Variants in TXLNB observed in about 807,000 individuals in gnomAD.
TXLNB encodes the protein taxilin beta.
TXLNB carries 37 observed loss-of-function variants against 57.4 expected under a neutral mutation model. The observed-to-expected ratio is 0.64, with a 90% CI of 0.50 to 0.85. The LOEUF (loss-of-function observed/expected upper bound fraction) is 0.85. Among genes scored for constraint, TXLNB ranks in the 40% least tolerant of loss-of-function variants. The pLI is 0.00. For synonymous variants in TXLNB, 302 were observed against 309.6 expected, an observed-to-expected ratio of 0.98 and a Z score of 0.26; for missense variants, 848 against 825.6, an observed-to-expected ratio of 1.03 and a Z score of -0.33.
intron 5 of TXLNB, among the ~76,000 whole-genome samples, chr6:139,260,737 A>G (rs953967991): frequency 4.6e-5 from 7 of 152,212 alleles, no homozygotes; most frequent in Non-Finnish European, 8.8e-5. Flanking sequence ...ATTAGATATG[A>G]TGCTATTTAT....
chr6:139,172,193 G>T, the TXLNB span, among the ~76,000 whole-genome samples: 4 of 152,092 alleles, frequency 2.6e-5, no homozygotes, highest in Non-Finnish European at 4.4e-5. Context: ...TGAACTCCTG[G>T]CCTCAAATGA....
chr6:139,191,492 G>A, the TXLNB span, among the ~76,000 whole-genome samples: 1 of 152,312 alleles, frequency 6.6e-6, no homozygotes, highest in East Asian at 1.9e-4. Flanking sequence ...GTAGTCACAT[G>A]TGGCTAGTGG....
chr6:139,186,346 C>T, the TXLNB span, among the ~76,000 whole-genome samples: 2 of 152,156 alleles, frequency 1.3e-5, no homozygotes, highest in East Asian at 3.9e-4. Flanking sequence ...TAAAAAGTTC[C>T]CCCAAAAAAC....
chr6:139,249,972 T>C (rs888818743), intron 7 of TXLNB, among the ~76,000 whole-genome samples: 4 of 151,676 alleles, frequency 2.6e-5, no homozygotes, highest in African/African-American at 9.7e-5. Flanking sequence ...ACTCTGTCTC[T>C]CACACACACA....
the TXLNB span, among the ~76,000 whole-genome samples, chr6:139,299,088 C>T: frequency 6.6e-6 from 1 of 152,304 alleles, no homozygotes; most frequent in East Asian, 1.9e-4. Context: ...ATAAACAACC[C>T]AGCCTCAGGT....
chr6:139,223,997 G>A, the TXLNB span, among the ~76,000 whole-genome samples: 6 of 147,096 alleles, frequency 4.1e-5, no homozygotes, highest in African/African-American at 1.0e-4. Flanking sequence ...ACATGCACAC[G>A]TATGTTTATT....
At chr6:139,299,544 C>T in the TXLNB span, among the ~76,000 whole-genome samples, 1 of 152,178 alleles carries the variant, frequency 6.6e-6, no homozygotes, top group Non-Finnish European at 1.5e-5. Context: ...CCCCTCTTCT[C>T]ATTCCTCCTT....
At chr6:139,190,182 A>G in the TXLNB span, among the ~76,000 whole-genome samples, 2 of 152,204 alleles carry the variant, frequency 1.3e-5, no homozygotes, top group Admixed American at 6.5e-5. Flanking sequence ...TGCTATAACA[A>G]TACCTTAGAC....
the TXLNB span, among the ~76,000 whole-genome samples, chr6:139,317,354 A>C: frequency 6.6e-6 from 1 of 152,174 alleles, no homozygotes; most frequent in African/African-American, 2.4e-5. Context: ...CAAATACTAA[A>C]GCAGAAACAA....
At chr6:139,236,805 T>G (rs1349300043), downstream of TXLNB, among the ~76,000 whole-genome samples, 2 of 152,158 alleles carry the variant, frequency 1.3e-5, no homozygotes, top group African/African-American at 4.8e-5. Context: ...GATTTTGCCA[T>G]GTTGCTCAGG....
the TXLNB span, among the ~76,000 whole-genome samples, chr6:139,221,897 A>G: frequency 6.6e-6 from 1 of 152,182 alleles, no homozygotes; most frequent in East Asian, 1.9e-4. Context: ...AATATTTTTC[A>G]TTAGACTTTA....
chr6:139,295,580 G>T (rs989772717), upstream of TXLNB, among the ~76,000 whole-genome samples: 238 of 103,714 alleles, frequency 2.3e-3, no homozygotes, highest in Non-Finnish European at 3.2e-3. Flanking sequence ...GATATTTTTT[G>T]GGGGGGGGAT....
chr6:139,322,740 T>C, the TXLNB span, among the ~76,000 whole-genome samples: 3 of 152,216 alleles, frequency 2.0e-5, no homozygotes, highest in African/African-American at 7.2e-5. Context: ...AAAATATCGA[T>C]GCCTCCCCAG....
chr6:139,244,085 C>A (rs987887556), intron 9 of TXLNB, among the ~76,000 whole-genome samples: 6 of 152,102 alleles, frequency 3.9e-5, no homozygotes, highest in Admixed American at 6.6e-5. Flanking sequence ...ACTCTCAAAA[C>A]CTACTTGGAG....
At chr6:139,253,635 C>A (rs1407539544) in intron 7 of TXLNB, among the ~76,000 whole-genome samples, 1 of 151,938 alleles carries the variant, frequency 6.6e-6, no homozygotes, top group African/African-American at 2.4e-5. Context: ...AAATCTAGAA[C>A]CCCTGGTTGA....
chr6:139,215,810 G>A, the TXLNB span, among the ~76,000 whole-genome samples: 296 of 152,190 alleles, frequency 1.9e-3, no homozygotes, highest in African/African-American at 6.7e-3. Context: ...AAAAGTGGGC[G>A]AAGGATATGA....
At chr6:139,166,629 G>T in the TXLNB span, 1 of 1,614,220 alleles carries the variant, frequency 6.2e-7, no homozygotes, top group Non-Finnish European at 8.5e-7. Flanking sequence ...AAGAAGTCTG[G>T]CTCCGAGAAG....
At chr6:139,274,904 G>A (rs1217082017) in intron 3 of TXLNB, among the ~76,000 whole-genome samples, 1 of 152,108 alleles carries the variant, frequency 6.6e-6, no homozygotes, top group Admixed American at 6.6e-5. Flanking sequence ...GGTGAGAATC[G>A]CATGGAAACG....
At chr6:139,173,191 A>G in the TXLNB span, among the ~76,000 whole-genome samples, 3 of 152,218 alleles carry the variant, frequency 2.0e-5, no homozygotes, top group Admixed American at 6.5e-5. Flanking sequence ...GAGTATTTCA[A>G]GAAGTTCTTG....
Sources: gnomAD v4.1 joint callset for allele counts (sites outside exome capture counted in the v4.1 genomes callset) on GRCh38, gnomAD v4.1.1 for gene constraint, MANE v1.5 for transcripts, NCBI Gene and HGNC (gene_info 2026-07-23, HGNC 2026-07-21) for gene names.